The following ULK4 variants were observed in gnomAD, a reference collection of about 807,000 sequenced individuals.
ULK4 encodes the protein unc-51 like kinase 4, also known as inactive serine/threonine-protein kinase ULK4.
In ULK4, 133 loss-of-function variants were observed where a neutral mutation model predicts 160.6. That is an observed-to-expected ratio of 0.83 (90% CI 0.72 to 0.96). The LOEUF is 0.96. Among genes scored for constraint, ULK4 ranks in the 40% least tolerant of loss-of-function variants. The probability of loss-of-function intolerance (pLI) is 0.00; values close to 1 mark genes in which losing one functional copy is unlikely to be tolerated. For missense variants in ULK4, 1,580 were observed against 1,499.5 expected (o/e 1.05, Z -0.89); for synonymous variants, 534 against 539.8 (o/e 0.99, Z 0.15).
intron 32 of ULK4, among the ~76,000 whole-genome samples, chr3:41,501,928 A>G (rs74868206): frequency 2.4e-3 from 361 of 152,318 alleles, no homozygotes; most frequent in East Asian, 0.013. Context: ...TACTACACAT[A>G]TAAGTGAGAT....
At chr3:41,852,161 C>T (rs1292549243) in intron 17 of ULK4, among the ~76,000 whole-genome samples, 1 of 152,162 alleles carries the variant, frequency 6.6e-6, no homozygotes, top group Admixed American at 6.5e-5. Context: ...TTCCTCGACA[C>T]ATACACCCTC....
intron 30 of ULK4, among the ~76,000 whole-genome samples, chr3:41,631,448 T>C (rs1053498613): frequency 2.6e-5 from 4 of 152,196 alleles, no homozygotes; most frequent in African/African-American, 9.6e-5. Context: ...AGAATTAAGT[T>C]AGAATATGCA....
rs930132362 is a variant in ULK4 at position 41,708,070 on chromosome 3, T to C, written c.2635-2765A>G. ...CTCTTGCACACTGTCGGTGGGAATGTAAACTAGTACAGCCATTATGAAAAA... is the reference window on the plus strand; with the variant it reads ...CTCTTGCACACTGTCGGTGGGAATGCAAACTAGTACAGCCATTATGAAAAA... On this transcript the variant is annotated intron_variant, in intron 25 of 36. Transcript: ENST00000301831. Among the ~76,000 whole-genome samples the C allele has an allele frequency of 3.9e-5, 6 of 152,022 alleles. No individual in the cohort carries two copies. In the South Asian group the frequency reaches 6.3e-4, roughly 16 times the overall value.
chr3:41,628,595 G>A (rs1575499582), intron 30 of ULK4, among the ~76,000 whole-genome samples: 1 of 152,192 alleles, frequency 6.6e-6, no homozygotes, highest in Non-Finnish European at 1.5e-5. Context: ...AGAAAAGGCT[G>A]AGGAACTGTT....
intron 31 of ULK4, among the ~76,000 whole-genome samples, chr3:41,586,685 A>AG (rs2030830192): frequency 6.6e-6 from 1 of 152,130 alleles, no homozygotes; most frequent in Non-Finnish European, 1.5e-5. Context: ...TAAGAAAAAA[A>AG]TTGGTCACAG....
intron 34 of ULK4, among the ~76,000 whole-genome samples, chr3:41,452,565 T>G (rs2083446047): frequency 2.6e-5 from 4 of 152,338 alleles, no homozygotes; most frequent in South Asian, 4.1e-4. Flanking sequence ...CATAATCATT[T>G]CTATTTCCTA....
chr3:41,803,413 T>G (rs1166899221), intron 19 of ULK4, among the ~76,000 whole-genome samples: 2 of 152,268 alleles, frequency 1.3e-5, no homozygotes, highest in Admixed American at 6.5e-5. Flanking sequence ...AACCTAAATG[T>G]AAAAGTTAGA....
rs563478717 is a variant in ULK4 at position 41,376,423 on chromosome 3, G to A, written c.3678+21656C>T. On this transcript the variant is annotated intron_variant, in intron 35 of 36. Coordinates refer to ENST00000301831, the MANE Select transcript of ULK4 (RefSeq NM_017886.4). ...ATAAAGAAAATGTGGCGGAAAAGAG[G>A]AAATCAAATTGTCCCTCTTTGCAGA... 7.3e-5 allele frequency among the ~76,000 whole-genome samples: 11 copies of A among 150,244 alleles called. No individual in the cohort carries two copies. In the South Asian group the frequency reaches 2.2e-3, roughly 30 times the overall value.
At chr3:41,373,327 A>T (rs1412470102) in intron 35 of ULK4, among the ~76,000 whole-genome samples, 2 of 152,208 alleles carry the variant, frequency 1.3e-5, no homozygotes, top group Admixed American at 1.3e-4. Flanking sequence ...AAATCAACAG[A>T]ATATACACTC....
chr3:41,529,764 A>C (rs2086239665), intron 32 of ULK4, among the ~76,000 whole-genome samples: 1 of 152,210 alleles, frequency 6.6e-6, no homozygotes, highest in Non-Finnish European at 1.5e-5. Context: ...AAGTGCTGGG[A>C]CTAGAGGCAT....
intron 34 of ULK4, among the ~76,000 whole-genome samples, chr3:41,450,015 A>G (rs1435432178): frequency 6.6e-6 from 1 of 151,450 alleles, no homozygotes; most frequent in African/African-American, 2.4e-5. Context: ...TAGTCTAAAT[A>G]CTGGCACCTT....
intron 30 of ULK4, among the ~76,000 whole-genome samples, chr3:41,640,479 T>C (rs940386544): frequency 6.6e-6 from 1 of 152,212 alleles, no homozygotes; most frequent in East Asian, 1.9e-4. Flanking sequence ...TTTTGCCTAG[T>C]GTCCCAGGAA....
chr3:41,636,809 A>C (rs965583439), intron 30 of ULK4, among the ~76,000 whole-genome samples: 2 of 136,112 alleles, frequency 1.5e-5, no homozygotes, highest in Admixed American at 8.0e-5. Context: ...ATAACATTTT[A>C]ATGGGCATTC....
At chr3:41,628,990 T>G (rs754090737) in intron 30 of ULK4, among the ~76,000 whole-genome samples, 1 of 152,252 alleles carries the variant, frequency 6.6e-6, no homozygotes, top group African/African-American at 2.4e-5. Flanking sequence ...GAAAGTGGCA[T>G]AGAAGTGACA....
intron 22 of ULK4, among the ~76,000 whole-genome samples, chr3:41,727,817 G>GT (rs2037702913): frequency 6.6e-6 from 1 of 152,218 alleles, no homozygotes; most frequent in Non-Finnish European, 1.5e-5. Flanking sequence ...AGAAGCAACT[G>GT]TAACAATTTG....
intron 34 of ULK4, among the ~76,000 whole-genome samples, chr3:41,414,770 G>GAA (rs2082487865): frequency 6.6e-6 from 1 of 152,168 alleles, no homozygotes; most frequent in Non-Finnish European, 1.5e-5. Flanking sequence ...TTAAGCTGAT[G>GAA]AATGGTGGTA....
intron 30 of ULK4, among the ~76,000 whole-genome samples, chr3:41,617,417 G>T (rs1002767753): frequency 3.3e-5 from 5 of 152,206 alleles, no homozygotes; most frequent in African/African-American, 7.2e-5. Flanking sequence ...AGCTTCCTGA[G>T]GAATAAGCAG....
chr3:41,513,749 T>C (rs2085661423), intron 32 of ULK4, among the ~76,000 whole-genome samples: 1 of 152,202 alleles, frequency 6.6e-6, no homozygotes, highest in Non-Finnish European at 1.5e-5. Flanking sequence ...TCACTCATAA[T>C]TGAGAGCTAA....
chr3:41,387,316 G>A (rs2081839762), intron 35 of ULK4, among the ~76,000 whole-genome samples: 2 of 151,828 alleles, frequency 1.3e-5, no homozygotes, highest in Non-Finnish European at 1.5e-5. Context: ...TCCTACAACG[G>A]TATAGAATGC....
Sources: allele counts gnomAD v4.1 joint callset (sites outside exome capture counted in the v4.1 genomes callset), GRCh38; gene constraint gnomAD v4.1.1; transcripts MANE v1.5; gene names NCBI Gene and HGNC (gene_info 2026-07-23, HGNC 2026-07-21).